Variants in CRYBG2 observed in about 807,000 individuals in gnomAD.
CRYBG2 encodes the protein crystallin beta-gamma domain containing 2.
In CRYBG2, 106 loss-of-function variants were observed where a neutral mutation model predicts 153.4. That is an observed-to-expected ratio of 0.69 (90% CI 0.59 to 0.81). CRYBG2 has a LOEUF of 0.81. Among genes scored for constraint, CRYBG2 ranks in the 30% least tolerant of loss-of-function variants. CRYBG2 has a pLI of 0.00. For synonymous variants in CRYBG2, 851 were observed against 877.8 expected (o/e 0.97, Z 0.54); for missense variants, 1,996 against 2,112.0 (o/e 0.95, Z 1.08).
At chr1:26,351,546 G>T (rs74444587) in intron 1 of CRYBG2, among the ~76,000 whole-genome samples, 1 of 152,132 alleles carries the variant, frequency 6.6e-6, no homozygotes, top group Non-Finnish European at 1.5e-5. Context: ...TAAAAACAGG[G>T]ACATTTGGAA....
intron 5 of CRYBG2, 85 bp downstream of exon 5, chr1:26,342,669 C>A: frequency 6.5e-7 from 1 of 1,548,902 alleles, no homozygotes; most frequent in Non-Finnish European, 8.7e-7. Flanking sequence ...AAAGTGCTGG[C>A]ATTACAGGCG....
chr1:26,352,768 C>T (rs2074300181), intron 1 of CRYBG2, among the ~76,000 whole-genome samples: 1 of 149,794 alleles, frequency 6.7e-6, no homozygotes, highest in Admixed American at 6.7e-5. Context: ...TCCCGTCCCC[C>T]TCTCCAAGGT....
At chr1:26,323,118 T>C (rs1380689613) in intron 18 of CRYBG2, among the ~76,000 whole-genome samples, 1 of 151,780 alleles carries the variant, frequency 6.6e-6, no homozygotes, top group Non-Finnish European at 1.5e-5. Context: ...TCTCCCTCTG[T>C]TGCCCAGGCT....
At chr1:26,328,535 G>A in intron 16 of CRYBG2, 199 bp downstream of exon 16, 1 of 1,116,162 alleles carries the variant, frequency 9.0e-7, no homozygotes, top group East Asian at 2.6e-5. Context: ...GAAGGATCCT[G>A]AGAAGCCCAC....
At chr1:26,352,444 GCT>G (rs2074296705) in intron 1 of CRYBG2, among the ~76,000 whole-genome samples, 1 of 152,032 alleles carries the variant, frequency 6.6e-6, no homozygotes, top group Non-Finnish European at 1.5e-5. Context: ...ACAGCCCCAA[GCT>G]CTCTTCCCCT....
At chr1:26,334,194 G>A (rs921662630) in intron 14 of CRYBG2, among the ~76,000 whole-genome samples, 4 of 152,198 alleles carry the variant, frequency 2.6e-5, no homozygotes, top group Non-Finnish European at 2.9e-5. Context: ...AGACCAAGAA[G>A]GGAGGATTGC....
At position 26,351,560 on chromosome 1, in the gene CRYBG2, G is replaced by A. The variant is rs530361795; in HGVS notation, c.-56+2476C>T. ...ATAAAAACAGGGACATTTGGAAAGC[G>A]CCATAGGCATCAGGAAAGCGACAGG... On this transcript the variant is annotated intron_variant, in intron 1 of 19. Coordinates refer to ENST00000308182, the MANE Select transcript of CRYBG2 (RefSeq NM_001039775.4). 4.6e-5 allele frequency among the ~76,000 whole-genome samples: 7 copies of A among 152,280 alleles called. No individual in the cohort carries two copies. In the South Asian group the frequency reaches 1.2e-3, roughly 27 times the overall value.
chr1:26,331,690 C>T, intron 14 of CRYBG2, 72 bp from the exon 15 acceptor site: 1 of 1,577,890 alleles, frequency 6.3e-7, no homozygotes, highest in Non-Finnish European at 8.6e-7. Flanking sequence ...CCCTGAGATA[C>T]AGAAGAGGGA....
At chr1:26,339,247 A>AGT (rs2074099320) in intron 6 of CRYBG2, 43 bp downstream of exon 6, 1 of 1,592,728 alleles carries the variant, frequency 6.3e-7, no homozygotes, top group Admixed American at 1.8e-5. Context: ...CACCCAGCAC[A>AGT]GTGAATGTCA....
intron 1 of CRYBG2, among the ~76,000 whole-genome samples, chr1:26,349,027 G>A (rs1446505796): frequency 2.6e-5 from 4 of 151,944 alleles, no homozygotes; most frequent in African/African-American, 9.7e-5. Flanking sequence ...ATATTATCCA[G>A]GCATGGTGGT....
rs372400749 is a variant in CRYBG2, at chr1:26,339,402, A to G, written c.3232T>C (p.Phe1078Leu). The change falls in exon 6 of 20, where the codon TTC becomes CTC. Residue 1078 changes from phenylalanine (F) to leucine (L), a missense_variant. Phe to Leu is a conservative substitution (Grantham distance 22). Coordinates refer to ENST00000308182, the MANE Select transcript of CRYBG2 (RefSeq NM_001039775.4). The part of the protein sequence containing the change: ...WDYSTPEISL[F>L]SEEGLKGEQV... ...TCCCCCTTGAGGCCCTCCTCAGAGA[A>G]GAGGCTGATTTCCGGGGTGCTGTAG... 36 of 1,614,058 alleles carry G rather than the reference A, an allele frequency of 2.2e-5. No individual in the cohort carries two copies. The highest frequency in any genetic ancestry group is 3.0e-5 in the Non-Finnish European group (35 of 1,180,036).
chr1:26,336,145 G>T lies in CRYBG2; in HGVS notation c.4134C>A (p.Ala1378=). The T allele has an allele frequency of 6.5e-7, 1 of 1,536,716 alleles. No individual in the cohort carries two copies. Among genetic ancestry groups the T allele is most frequent in the South Asian group, 1.2e-5 (1 of 81,726 alleles). The change falls in exon 14 of 20, where the codon GCC becomes GCA. Residue 1378 remains alanine, a synonymous_variant. Coordinates refer to ENST00000308182, the MANE Select transcript of CRYBG2 (RefSeq NM_001039775.4). The surrounding 1 kb of genome is among the most constrained non-coding windows in gnomAD (Gnocchi z 4.9). ...GAGGTCGGAAGGAGGCGGGCAGAGCGGCCTGGTCATCTTCGAAAGAGAAGT... is the reference window on the plus strand; with the variant it reads ...GAGGTCGGAAGGAGGCGGGCAGAGCTGCCTGGTCATCTTCGAAAGAGAAGT... ...GDHFSFEDDQ[A]ALPASFRPQS...
In CRYBG2 at chr1:26,346,221, G is replaced by A; in HGVS notation, c.437C>T (p.Pro146Leu). The change falls in exon 2 of 20, where the codon CCC becomes CTC. Residue 146 changes from proline to leucine, a missense_variant. Pro to Leu is a moderately conservative substitution (Grantham distance 98). Transcript: ENST00000308182. This position sits in a 1 kb window ranked among gnomAD's most constrained non-coding sequence, Gnocchi z 4.9. ...ACTTGGCTCTCGGGGCCCAGGCAGG[G>A]GAACCAAAAGCTCAGTCCTGGCCAT... Reference protein sequence around the residue: ...GAMARTELLVPLPGPREPSPH... With the variant: ...GAMARTELLVLLPGPREPSPH... The A allele has an allele frequency of 6.4e-7, 1 of 1,573,572 alleles. No individual in the cohort carries two copies. The highest frequency in any genetic ancestry group is 1.8e-5 in the Admixed American group (1 of 57,124).
rs934828164 is a variant in CRYBG2 at position 26,346,041 on chromosome 1, G to T, written c.617C>A (p.Ala206Asp). ...VTVRPVSSGE[A>D]LPRGRQVSRM... ...GGAGACCTGACGGCCCCGTGGCAGG[G>T]CCTCGCCTGAGGACACTGGCCTCAC... is the stretch of plus-strand genomic sequence containing the variant. The change falls in exon 2 of 20, where the codon GCC (alanine) becomes GAC (aspartate). Residue 206 changes from alanine (A) to aspartate (D), a missense_variant. Coordinates refer to ENST00000308182, the MANE Select transcript of CRYBG2 (RefSeq NM_001039775.4). This position sits in a 1 kb window ranked among gnomAD's most constrained non-coding sequence, Gnocchi z 4.9. 3.6e-5 allele frequency: 57 copies of T among 1,591,750 alleles called. 1 individual carries two copies. Among genetic ancestry groups the T allele is most frequent in the Non-Finnish European group, 2.6e-6 (3 of 1,176,466 alleles).
At chr1:26,331,744 G>A in intron 14 of CRYBG2, 126 bp from the exon 15 acceptor site, 2 of 1,278,052 alleles carry the variant, frequency 1.6e-6, no homozygotes, top group Non-Finnish European at 2.2e-6. Context: ...GAGGTGGGAT[G>A]AACAGGCACT....
intron 9 of CRYBG2, 44 bp from the exon 10 acceptor site, chr1:26,337,423 G>A (rs760837712): frequency 6.9e-5 from 110 of 1,605,756 alleles, no homozygotes; most frequent in Non-Finnish European, 8.9e-5. Flanking sequence ...AGTCATAGGA[G>A]GCCCATGGAT....
Position 26,344,812 on chromosome 1 carries a change from C to A in CRYBG2, c.1846G>T (p.Val616Leu). Residue 616 changes from valine (V) to leucine (L), a missense_variant, in exon 2 of 20, where the codon GTG becomes TTG. Transcript: ENST00000308182. ...PAASSPTQKE[V>L]VQGSGAPAAL... The stretch of plus-strand genomic sequence containing the variant: ...GCAGGAGCACCAGACCCCTGCACCA[C>A]CTCCTTCTGGGTGGGAGATGAGGCA... 1 of 1,534,850 alleles carries A rather than the reference C, an allele frequency of 6.5e-7. No individual in the cohort carries two copies.
At position 26,344,432 on chromosome 1, in the gene CRYBG2, G is replaced by A. The variant is rs1314045186; in HGVS notation, c.2226C>T (p.Pro742=). 6.6e-7 allele frequency: 1 copy of A among 1,524,632 alleles called. No individual in the cohort carries two copies. The highest frequency in any genetic ancestry group is 8.8e-7 in the Non-Finnish European group (1 of 1,132,674). 94.4% of individuals were successfully genotyped at this position (1,524,632 alleles called of 1,614,324 possible). Residue 742 remains proline (P), a synonymous_variant, in exon 2 of 20, where the codon CCC becomes CCT. Transcript: ENST00000308182. Reference sequence around the variant, plus strand: ...TCTCTGTGCACGTCTTGCCCTCGGTGGGATCAGAGACAAGCTGGGACTCCG... The same window carrying A: ...TCTCTGTGCACGTCTTGCCCTCGGTAGGATCAGAGACAAGCTGGGACTCCG... ...ASTESQLVSD[P]TEGKTCTETS...
chr1:26,322,717 G>T (rs34756201), intron 18 of CRYBG2, among the ~76,000 whole-genome samples: 1 of 152,068 alleles, frequency 6.6e-6, no homozygotes, highest in Non-Finnish European at 1.5e-5. Flanking sequence ...CCTGCCCCAC[G>T]GTACTCTAGA....
Sources: allele counts gnomAD v4.1 joint callset (sites outside exome capture counted in the v4.1 genomes callset), GRCh38; gene constraint gnomAD v4.1.1; non-coding constraint Gnocchi (gnomAD v3.1); transcripts MANE v1.5; gene names NCBI Gene and HGNC (gene_info 2026-07-23, HGNC 2026-07-21).